The following NIPSNAP3A variants were observed in gnomAD, a reference collection of about 807,000 sequenced individuals.
The protein encoded by NIPSNAP3A is nipsnap homolog 3A.
NIPSNAP3A carries 27 observed loss-of-function variants against 32.3 expected under a neutral mutation model. The observed-to-expected ratio is 0.84, with a 90% confidence interval of 0.62 to 1.15. The LOEUF (loss-of-function observed/expected upper bound fraction) is 1.15, where lower values mean the gene tolerates loss of function less well. Among genes scored for constraint, NIPSNAP3A ranks in the 50% most tolerant of loss-of-function variants. The probability of loss-of-function intolerance (pLI) is 0.00; values close to 1 mark genes in which losing one functional copy is unlikely to be tolerated. For missense variants in NIPSNAP3A, 278 were observed against 297.2 expected (o/e 0.94, Z 0.48); for synonymous variants, 108 against 107.3 (o/e 1.01, Z -0.04).
intron 4 of NIPSNAP3A, among the ~76,000 whole-genome samples, chr9:104,758,538 A>G (rs28571030): frequency 0.023 from 3,556 of 152,132 alleles, 164 homozygotes; most frequent in East Asian, 0.22. Context: ...CCAGCCTTCT[A>G]TTTCTTCATC....
intron 2 of NIPSNAP3A, among the ~76,000 whole-genome samples, chr9:104,752,344 T>C (rs1827856795): frequency 6.6e-6 from 1 of 152,170 alleles, no homozygotes; most frequent in Non-Finnish European, 1.5e-5. Context: ...ACTTCACTCA[T>C]GTTAAATTTG....
chr9:104,759,345 A>G lies in NIPSNAP3A; in HGVS notation c.*7A>G. The G allele has an allele frequency of 6.2e-7, 1 of 1,610,882 alleles. No individual in the cohort carries two copies. The highest frequency in any genetic ancestry group is 8.5e-7 in the Non-Finnish European group (1 of 1,178,056). ...GTTTTCACCACTGAAATAGTTTTCT[A>G]CTGAAATACAAAACATTTCATTAAC... On this transcript the variant is annotated 3_prime_UTR_variant, in exon 6 of 6. Coordinates refer to ENST00000374767, the MANE Select transcript of NIPSNAP3A (RefSeq NM_015469.3).
At position 104,759,450 on chromosome 9, in the gene NIPSNAP3A, AT is replaced by A; in HGVS notation, c.*115del. On this transcript the variant is annotated 3_prime_UTR_variant, in exon 6 of 6. Transcript: ENST00000374767. ...TTTATTTGAAGGAGGTGTTAAGTTA[AT>A]TTGCTATGTTTCTTGCATTATGAAG... 2.0e-6 allele frequency: 2 copies of A among 1,014,718 alleles called. No individual in the cohort carries two copies. The highest frequency in any genetic ancestry group is 3.0e-6 in the Non-Finnish European group (2 of 668,724). 62.9% of individuals were successfully genotyped at this position (1,014,718 alleles called of 1,614,324 possible). A position where few individuals can be genotyped will look rare whatever the true frequency, so the allele number is the denominator to read the frequency against.
chr9:104,755,347 G>A (rs1436501353), intron 4 of NIPSNAP3A, among the ~76,000 whole-genome samples: 1 of 148,544 alleles, frequency 6.7e-6, no homozygotes, highest in Non-Finnish European at 1.5e-5. Context: ...TATTATTTGG[G>A]GTAGGGAGAT....
intron 4 of NIPSNAP3A, among the ~76,000 whole-genome samples, chr9:104,758,806 A>C (rs1234169893): frequency 7.9e-6 from 1 of 125,802 alleles, no homozygotes; most frequent in Non-Finnish European, 1.8e-5. Flanking sequence ...CTAAAAATAC[A>C]AAAAAAAAAA....
chr9:104,750,851 T>C (rs1827839461), intron 1 of NIPSNAP3A, 105 bp from the exon 2 acceptor site: 1 of 873,968 alleles, frequency 1.1e-6, no homozygotes, highest in African/African-American at 1.7e-5. Context: ...CAAACATGAG[T>C]AATGAGTCTA....
At chr9:104,749,774 T>C (rs1237016795) in intron 1 of NIPSNAP3A, among the ~76,000 whole-genome samples, 3 of 152,154 alleles carry the variant, frequency 2.0e-5, no homozygotes, top group Non-Finnish European at 4.4e-5. Flanking sequence ...GAACACAAAT[T>C]AGAAATTTAC....
intron 1 of NIPSNAP3A, among the ~76,000 whole-genome samples, chr9:104,748,315 C>T (rs1827803416): frequency 6.6e-6 from 1 of 152,170 alleles, no homozygotes; most frequent in Non-Finnish European, 1.5e-5. Flanking sequence ...CAGCCGCTTG[C>T]CACGGAACCG....
intron 4 of NIPSNAP3A, among the ~76,000 whole-genome samples, chr9:104,758,330 A>T (rs79333515): frequency 1.3e-5 from 2 of 152,220 alleles, no homozygotes; most frequent in East Asian, 3.8e-4. Flanking sequence ...ATAAATTTCC[A>T]TAGAGGTTTT....
At chr9:104,749,235 T>G (rs1474511338) in intron 1 of NIPSNAP3A, among the ~76,000 whole-genome samples, 1 of 152,220 alleles carries the variant, frequency 6.6e-6, no homozygotes, top group Admixed American at 6.5e-5. Flanking sequence ...GGCACTTGCT[T>G]CTTGACCAAC....
intron 4 of NIPSNAP3A, among the ~76,000 whole-genome samples, chr9:104,755,898 C>A (rs534362261): frequency 6.6e-6 from 1 of 151,388 alleles, no homozygotes; most frequent in African/African-American, 2.4e-5. Context: ...AACCCCTGAA[C>A]GACATAGTGA....
chr9:104,759,334 AAT>A lies in NIPSNAP3A; in HGVS notation c.742_743del (p.Ter248ValfsTer4), dbSNP rs546236502. The A allele has an allele frequency of 3.1e-3, 5,049 of 1,612,926 alleles. 12 individuals are homozygous for A. Among genetic ancestry groups the A allele is most frequent in the Non-Finnish European group, 4.0e-3 (4,713 of 1,179,528 alleles). On this transcript the variant is annotated frameshift_variant and stop_lost, in exon 6 of 6. Coordinates refer to ENST00000374767, the MANE Select transcript of NIPSNAP3A (RefSeq NM_015469.3). LOFTEE classifies it high-confidence loss of function. ...ATTCCTACATCGTTTTCACCACTGA[AAT>A]AGTTTTCTACTGAAATACAAAACAT...
chr9:104,754,725 A>C lies in NIPSNAP3A; in HGVS notation c.580+25A>C, dbSNP rs28663024. ...GGTACAATTGTCCATTTCTTCTTATATGAAATTGTAATATATATTGTGACC... is the reference window on the plus strand; with the variant it reads ...GGTACAATTGTCCATTTCTTCTTATCTGAAATTGTAATATATATTGTGACC... On this transcript the variant is annotated intron_variant, in intron 4 of 5. Transcript: ENST00000374767. 0.013 allele frequency: 20,525 copies of C among 1,594,540 alleles called. 1,302 individuals are homozygous for C. In the East Asian group the frequency reaches 0.22, roughly 17 times the overall value.
At chr9:104,750,848 G>T in intron 1 of NIPSNAP3A, 108 bp from the exon 2 acceptor site, 1 of 860,134 alleles carries the variant, frequency 1.2e-6, no homozygotes, top group Non-Finnish European at 2.0e-6. Flanking sequence ...GTACAAACAT[G>T]AGTAATGAGT....
chr9:104,751,541 G>C (rs1459679975), intron 2 of NIPSNAP3A, among the ~76,000 whole-genome samples: 1 of 152,176 alleles, frequency 6.6e-6, no homozygotes, highest in Admixed American at 6.5e-5. Flanking sequence ...AGTGGATTAA[G>C]ATCACAAAAG....
At chr9:104,754,457 C>A in intron 3 of NIPSNAP3A, 94 bp from the exon 4 acceptor site, 1 of 1,020,462 alleles carries the variant, frequency 9.8e-7, no homozygotes, top group Non-Finnish European at 1.5e-6. Context: ...TCCTCCAAAT[C>A]TGTGTGTGTA....
rs146555776 is a variant in NIPSNAP3A at position 104,748,791 on chromosome 9, G to T, written c.60+939G>T. Among the ~76,000 whole-genome samples, 67 of 152,274 alleles carry T rather than the reference G, an allele frequency of 4.4e-4. No homozygotes were observed. In the East Asian group the frequency reaches 0.011, roughly 26 times the overall value. On this transcript the variant is annotated intron_variant, in intron 1 of 5. Coordinates refer to ENST00000374767, the MANE Select transcript of NIPSNAP3A (RefSeq NM_015469.3). ...GCCAGGAATGACGTCCTTATGGCAT[G>T]ATTCCAAACTTTAAGTTTTTAGAAA...
chr9:104,752,668 G>T (rs1386965550), intron 2 of NIPSNAP3A, among the ~76,000 whole-genome samples: 3 of 152,114 alleles, frequency 2.0e-5, no homozygotes, highest in African/African-American at 4.8e-5. Flanking sequence ...CTACTATATG[G>T]TTGAGCCTAT....
chr9:104,747,823 G>A lies in NIPSNAP3A; in HGVS notation c.31G>A (p.Ala11Thr), dbSNP rs1484968405. The A allele has an allele frequency of 1.5e-5, 24 of 1,608,996 alleles. No homozygotes were observed. The highest frequency in any genetic ancestry group is 2.0e-5 in the Non-Finnish European group (23 of 1,179,110). The change falls in exon 1 of 6, where the codon GCG (alanine) becomes ACG (threonine). Residue 11 changes from alanine (A) to threonine (T), a missense_variant. Coordinates refer to ENST00000374767, the MANE Select transcript of NIPSNAP3A (RefSeq NM_015469.3). Reference sequence around the variant, plus strand: ...CGTCCTCAGAAGCGCCCTGACTCGGGCGCTGGCCTCACGGACGCTGGCGCC... The same window carrying A: ...CGTCCTCAGAAGCGCCCTGACTCGGACGCTGGCCTCACGGACGCTGGCGCC... MLVLRSALTR[A>T]LASRTLAPQM...
Sources: allele counts gnomAD v4.1 joint callset (sites outside exome capture counted in the v4.1 genomes callset), GRCh38; gene constraint gnomAD v4.1.1; transcripts MANE v1.5; gene names NCBI Gene and HGNC (gene_info 2026-07-23, HGNC 2026-07-21).